FAM177B: variants seen among roughly 807,000 people sequenced by gnomAD.
The protein encoded by FAM177B is family with sequence similarity 177 member B, also known as protein FAM177B.
FAM177B carries 16 observed loss-of-function variants against 16.1 expected under a neutral mutation model. The ratio of observed to expected loss-of-function variants is 0.99; its 90% CI spans 0.67 to 1.51. FAM177B has a LOEUF of 1.51. Among genes scored for constraint, FAM177B ranks in the 40% most tolerant of loss-of-function variants. FAM177B has a pLI of 0.00. For missense variants in FAM177B, 178 were observed against 183.7 expected (o/e 0.97, Z 0.18); for synonymous variants, 56 against 59.9 (o/e 0.93, Z 0.30).
chr1:222,742,310 T>G (rs375173548), intron 2 of FAM177B, among the ~76,000 whole-genome samples: 1 of 152,222 alleles, frequency 6.6e-6, no homozygotes, highest in African/African-American at 2.4e-5. Flanking sequence ...TATTGTACAC[T>G]TCATTGCAAC....
At chr1:222,744,629 T>C (rs915373820) in intron 2 of FAM177B, among the ~76,000 whole-genome samples, 2 of 152,246 alleles carry the variant, frequency 1.3e-5, no homozygotes, top group African/African-American at 4.8e-5. Flanking sequence ...CTTCTTTATG[T>C]GTCTTTACTC....
At chr1:222,742,358 A>G (rs1553304272) in intron 2 of FAM177B, among the ~76,000 whole-genome samples, 2 of 152,220 alleles carry the variant, frequency 1.3e-5, no homozygotes, top group Non-Finnish European at 1.5e-5. Context: ...TTGAATTTCT[A>G]TTGACCGCCT....
chr1:222,745,787 G>A (rs1342285065), intron 2 of FAM177B, among the ~76,000 whole-genome samples: 1 of 152,128 alleles, frequency 6.6e-6, no homozygotes, highest in Non-Finnish European at 1.5e-5. Context: ...TCCAGGCGGT[G>A]CCTGTAATCC....
At chr1:222,742,916 G>A (rs1457793693) in intron 2 of FAM177B, among the ~76,000 whole-genome samples, 14 of 151,768 alleles carry the variant, frequency 9.2e-5, no homozygotes, top group Admixed American at 5.9e-4. Flanking sequence ...AAGTAATTGC[G>A]GTTTTTCCAT....
At chr1:222,747,622 AT>A (rs926122153) in intron 4 of FAM177B, among the ~76,000 whole-genome samples, 18 of 152,258 alleles carry the variant, frequency 1.2e-4, no homozygotes, top group African/African-American at 3.8e-4. Flanking sequence ...ACTTTCATCA[AT>A]TTTTTTAAGA....
At chr1:222,744,235 C>A (rs569700977) in intron 2 of FAM177B, among the ~76,000 whole-genome samples, 6 of 152,106 alleles carry the variant, frequency 3.9e-5, no homozygotes, top group Non-Finnish European at 5.9e-5. Flanking sequence ...CTTTGGGAGG[C>A]CGAGGCGGGT....
In FAM177B at chr1:222,742,263, G is replaced by A. The variant is rs562192134; in HGVS notation, c.-16+4242G>A. 3.0e-4 allele frequency among the ~76,000 whole-genome samples: 46 copies of A among 151,798 alleles called. No individual in the cohort carries two copies. The South Asian group carries it at 4.2e-3, about 14-fold the overall frequency. ...TATTGTCTGTTGCTTGAACTATTTC[G>A]TAATAATTAAACTTTGATGTTGAGA... On this transcript the variant is annotated intron_variant, in intron 2 of 5. Coordinates refer to ENST00000445590, the MANE Select transcript of FAM177B (RefSeq NM_001394345.1).
At chr1:222,749,219 T>C (rs1558250933) in intron 4 of FAM177B, 2 of 457,550 alleles carry the variant, frequency 4.4e-6, no homozygotes, top group Non-Finnish European at 8.2e-6. Flanking sequence ...TCTCCTGATA[T>C]ATACATCTGG....
chr1:222,743,404 C>T (rs997632058), intron 2 of FAM177B, among the ~76,000 whole-genome samples: 5 of 152,074 alleles, frequency 3.3e-5, no homozygotes, highest in South Asian at 2.1e-4. Flanking sequence ...GCGATCCACC[C>T]GCCTTGCCCT....
In FAM177B at chr1:222,750,291, T is replaced by G. The variant is rs1176395029; in HGVS notation, c.*233T>G. The G allele has an allele frequency of 1.5e-6, 2 of 1,324,240 alleles. No individual in the cohort carries two copies. The highest frequency in any genetic ancestry group is 1.9e-6 in the Non-Finnish European group (2 of 1,038,738). 82.0% of individuals were successfully genotyped at this position (1,324,240 alleles called of 1,614,324 possible). ...CACTTTCTCAGAATAATTTCTATAT[T>G]CAAGCCACCCCACCTCAACTCCACC... On this transcript the variant is annotated 3_prime_UTR_variant, in exon 6 of 6. Coordinates refer to ENST00000445590, the MANE Select transcript of FAM177B (RefSeq NM_001394345.1).
intron 2 of FAM177B, among the ~76,000 whole-genome samples, chr1:222,738,992 A>G (rs1370056330): frequency 6.6e-6 from 1 of 152,200 alleles, no homozygotes; most frequent in Admixed American, 6.5e-5. Context: ...AAAGATGTAT[A>G]TGGCTATTAA....
intron 3 of FAM177B, 85 bp from the exon 4 acceptor site, chr1:222,746,930 G>A (rs1414075030): frequency 3.0e-6 from 3 of 1,007,950 alleles, no homozygotes; most frequent in Admixed American, 3.5e-5. Context: ...ATTATATAGA[G>A]CATTTTGAAA....
chr1:222,745,208 T>A (rs562447806), intron 2 of FAM177B, among the ~76,000 whole-genome samples: 2 of 152,314 alleles, frequency 1.3e-5, no homozygotes, highest in African/African-American at 4.8e-5. Flanking sequence ...CAGTTTGGAG[T>A]GTTCACAAAT....
chr1:222,746,749 A>G (rs1418554534), intron 3 of FAM177B, 30 bp downstream of exon 3: 4 of 1,537,528 alleles, frequency 2.6e-6, no homozygotes, highest in African/African-American at 2.8e-5. Flanking sequence ...ATTAGGGAAC[A>G]TGGTGGGGGA....
intron 2 of FAM177B, among the ~76,000 whole-genome samples, chr1:222,744,268 C>G (rs915168981): frequency 6.6e-6 from 1 of 152,010 alleles, no homozygotes; most frequent in African/African-American, 2.4e-5. Context: ...ATCAGGAGTT[C>G]GAGATCAGCC....
intron 4 of FAM177B, among the ~76,000 whole-genome samples, chr1:222,747,697 A>G (rs950112737): frequency 6.6e-6 from 1 of 152,230 alleles, no homozygotes; most frequent in Non-Finnish European, 1.5e-5. Context: ...ATATGATAGG[A>G]AGGCAAACTA....
chr1:222,750,838 C>A lies in FAM177B; in HGVS notation c.*780C>A, dbSNP rs1659021565. The A allele has an allele frequency of 6.6e-6, 1 of 152,244 alleles. No individual in the cohort carries two copies. The highest frequency in any genetic ancestry group is 6.6e-5 in the Admixed American group (1 of 15,180). 9.4% of individuals were successfully genotyped at this position (152,244 alleles called of 1,614,324 possible). A position where few individuals can be genotyped will look rare whatever the true frequency, so the allele number is the denominator to read the frequency against. On this transcript the variant is annotated 3_prime_UTR_variant, in exon 6 of 6. Transcript: ENST00000445590. ...AAAAAAATGAAAAACACAGGGCCTG[C>A]AGTAGTAAGACATGAGTTCCAGTTT...
At chr1:222,749,096 T>G (rs761835874) in intron 4 of FAM177B, 1 of 471,236 alleles carries the variant, frequency 2.1e-6, no homozygotes, top group African/African-American at 2.0e-5. Context: ...TGGGTTTAAT[T>G]TGAAATATAC....
chr1:222,750,447 C>T lies in FAM177B; in HGVS notation c.*389C>T. On this transcript the variant is annotated 3_prime_UTR_variant, in exon 6 of 6. Coordinates refer to ENST00000445590, the MANE Select transcript of FAM177B (RefSeq NM_001394345.1). ...AGGGTACAGTAAAGAAGCTCTATTC[C>T]TCAGAAGAAAATTTGGGCACCGCAA... 1 of 997,916 alleles carries T rather than the reference C, an allele frequency of 1.0e-6. No homozygotes were observed. Among genetic ancestry groups the T allele is most frequent in the Non-Finnish European group, 1.2e-6 (1 of 838,766 alleles). The allele number at this position is 997,916 out of a possible 1,614,324, so 61.8% of individuals were successfully genotyped here.
Sources: allele counts gnomAD v4.1 joint callset (sites outside exome capture counted in the v4.1 genomes callset), GRCh38; gene constraint gnomAD v4.1.1; transcripts MANE v1.5; gene names NCBI Gene and HGNC (gene_info 2026-07-23, HGNC 2026-07-21).